Variants in CYTH3 observed in about 807,000 individuals in gnomAD.
The protein encoded by CYTH3 is cytohesin 3.
CYTH3 carries 23 observed loss-of-function variants against 55.1 expected under a neutral mutation model. The ratio of observed to expected loss-of-function variants is 0.42; its 90% CI spans 0.30 to 0.59. CYTH3 has a LOEUF of 0.59. CYTH3 is among the 20% of genes least tolerant of loss of function. The probability of loss-of-function intolerance (pLI) is 0.20; values close to 1 mark genes in which losing one functional copy is unlikely to be tolerated. For missense variants in CYTH3, 413 were observed against 524.8 expected (o/e 0.79, Z 2.08); for synonymous variants, 249 against 194.9 (o/e 1.28, Z -2.31).
In CYTH3 at chr7:6,171,349, A is replaced by C. The variant is rs766807603; in HGVS notation, c.450-35T>G. Reference sequence around the variant, plus strand: ...CACCAAAGCCATGGGAAGCCGCATCAGAACCAACACCGCCTCACGGCCAAG... The same window carrying C: ...CACCAAAGCCATGGGAAGCCGCATCCGAACCAACACCGCCTCACGGCCAAG... On this transcript the variant is annotated intron_variant, in intron 6 of 12. Coordinates refer to ENST00000350796, the MANE Select transcript of CYTH3 (RefSeq NM_004227.4). The surrounding 1 kb of genome is among the most constrained non-coding windows in gnomAD (Gnocchi z 6.7). The C allele has an allele frequency of 3.1e-6, 5 of 1,604,468 alleles. No homozygotes were observed. The highest frequency in any genetic ancestry group is 4.3e-6 in the Non-Finnish European group (5 of 1,171,716).
intron 1 of CYTH3, among the ~76,000 whole-genome samples, chr7:6,197,770 A>C (rs990578039): frequency 2.0e-5 from 3 of 152,180 alleles, no homozygotes; most frequent in African/African-American, 7.2e-5. Flanking sequence ...TAAGAGTTTG[A>C]ATTTTTCATG....
rs1783098542 is a variant in CYTH3 at position 6,169,182 on chromosome 7, T to C, written c.823+1353A>G. ...TGGGACTCACACCCTTTCCACCAGC[T>C]GAGGAGGCCTGTGCCCGTCACACCG... is the stretch of plus-strand genomic sequence containing the variant. On this transcript the variant is annotated intron_variant, in intron 9 of 12. Transcript: ENST00000350796. This position sits in a 1 kb window ranked among gnomAD's most constrained non-coding sequence, Gnocchi z 4.1. Among the ~76,000 whole-genome samples, 1 of 152,218 alleles carries C rather than the reference T, an allele frequency of 6.6e-6. No individual in the cohort carries two copies. The highest frequency in any genetic ancestry group is 2.4e-5 in the African/African-American group (1 of 41,458).
At chr7:6,232,938 C>G (rs1389078414) in intron 1 of CYTH3, among the ~76,000 whole-genome samples, 2 of 152,200 alleles carry the variant, frequency 1.3e-5, no homozygotes, top group Non-Finnish European at 2.9e-5. Flanking sequence ...TGACCCCCAC[C>G]TCCTACCTCC....
At chr7:6,218,585 A>G (rs1254035413) in intron 1 of CYTH3, among the ~76,000 whole-genome samples, 3 of 152,226 alleles carry the variant, frequency 2.0e-5, no homozygotes, top group Non-Finnish European at 4.4e-5. Flanking sequence ...GGGTGCAGCT[A>G]TAACAAATAC....
At position 6,162,169 on chromosome 7, in the gene CYTH3, TACC is replaced by T. The variant is rs994459226; in HGVS notation, c.*2772_*2774del. ...TAAATAGCTCCTATTTTCAGTTTGG[TACC>T]ACATTAAACTGCCCCAAAATGTTCT... On this transcript the variant is annotated 3_prime_UTR_variant, in exon 13 of 13. Transcript: ENST00000350796. 4.6e-5 allele frequency: 7 copies of T among 152,578 alleles called. No homozygotes were observed. The highest frequency in any genetic ancestry group is 1.7e-4 in the African/African-American group (7 of 41,444). 9.5% of individuals were successfully genotyped at this position (152,578 alleles called of 1,614,324 possible). A position where few individuals can be genotyped will look rare whatever the true frequency, so the allele number is the denominator to read the frequency against.
intron 1 of CYTH3, among the ~76,000 whole-genome samples, chr7:6,212,316 T>C (rs1001551038): frequency 1.3e-5 from 2 of 152,204 alleles, no homozygotes; most frequent in African/African-American, 4.8e-5. Context: ...ACGTGTCCAG[T>C]TCAGTACTGT....
chr7:6,203,046 AAT>A (rs962827600), intron 1 of CYTH3, among the ~76,000 whole-genome samples: 8 of 152,234 alleles, frequency 5.3e-5, no homozygotes, highest in Non-Finnish European at 7.3e-5. Flanking sequence ...CTTTAAGAAA[AAT>A]AGACTAAAGC....
chr7:6,216,119 CAG>C (rs1784418251), intron 1 of CYTH3, among the ~76,000 whole-genome samples: 1 of 152,110 alleles, frequency 6.6e-6, no homozygotes, highest in Non-Finnish European at 1.5e-5. Flanking sequence ...ACAAAAGAAA[CAG>C]TAAAAATATG....
intron 1 of CYTH3, among the ~76,000 whole-genome samples, chr7:6,192,333 T>G (rs555680729): frequency 2.4e-4 from 37 of 151,986 alleles, no homozygotes; most frequent in Non-Finnish European, 4.4e-4. Context: ...TCCTCCCACC[T>G]CAGCCTCCCA....
At chr7:6,259,757 T>TATATATATATATATAA (rs1554255069) in intron 1 of CYTH3, among the ~76,000 whole-genome samples, 7 of 37,460 alleles carry the variant, frequency 1.9e-4, no homozygotes, top group Admixed American at 4.7e-4. Context: ...TATATATATA[T>TATATATATATATATAA]TATATATATA....
chr7:6,200,698 G>T (rs1360489263), intron 1 of CYTH3, among the ~76,000 whole-genome samples: 1 of 152,194 alleles, frequency 6.6e-6, no homozygotes, highest in Non-Finnish European at 1.5e-5. Flanking sequence ...TCTACATGGA[G>T]CCGTGGTTTA....
chr7:6,181,138 C>T (rs984389841), intron 4 of CYTH3, among the ~76,000 whole-genome samples: 2 of 151,768 alleles, frequency 1.3e-5, no homozygotes, highest in Admixed American at 1.3e-4. Context: ...CTTAGCTGTT[C>T]CTTCCTTCCT....
intron 1 of CYTH3, among the ~76,000 whole-genome samples, chr7:6,215,524 A>G (rs892941291): frequency 2.0e-5 from 3 of 149,212 alleles, no homozygotes; most frequent in Non-Finnish European, 4.4e-5. Context: ...CAGGAGGCGG[A>G]GCTTGCAGTG....
At chr7:6,200,278 C>A (rs1201777982) in intron 1 of CYTH3, among the ~76,000 whole-genome samples, 1 of 152,144 alleles carries the variant, frequency 6.6e-6, no homozygotes, top group African/African-American at 2.4e-5. Context: ...AATAGTGACA[C>A]CCTGACACAT....
At chr7:6,241,555 C>G (rs1026577253) in intron 1 of CYTH3, among the ~76,000 whole-genome samples, 1 of 152,158 alleles carries the variant, frequency 6.6e-6, no homozygotes, top group African/African-American at 2.4e-5. Context: ...AAGAATCCCA[C>G]TTCTGAAAAT....
chr7:6,261,252 G>T (rs1780344035), intron 1 of CYTH3, among the ~76,000 whole-genome samples: 1 of 152,092 alleles, frequency 6.6e-6, no homozygotes, highest in South Asian at 2.1e-4. Flanking sequence ...ATCCAAGAAG[G>T]TCAGCAGAAT....
At chr7:6,259,809 ATATAATATATATATATATATATATT>A (rs1562418022) in intron 1 of CYTH3, among the ~76,000 whole-genome samples, 3 of 26,272 alleles carry the variant, frequency 1.1e-4, no homozygotes, top group African/African-American at 1.1e-3. Context: ...ATATATATAT[ATATAATATATATATATATATATATT>A]TTTTTTTTTT....
At chr7:6,206,733 G>T (rs985076668) in intron 1 of CYTH3, among the ~76,000 whole-genome samples, 2 of 152,154 alleles carry the variant, frequency 1.3e-5, no homozygotes, top group Non-Finnish European at 2.9e-5. Context: ...AACACTAACA[G>T]AACCAATGCT....
chr7:6,187,176 C>T (rs917486959), intron 3 of CYTH3, 60 bp from the exon 4 acceptor site: 33 of 1,542,588 alleles, frequency 2.1e-5, no homozygotes, highest in Middle Eastern at 3.4e-4. Context: ...AGCCCAGTCA[C>T]GGCCCTCCAG....
Sources: allele counts gnomAD v4.1 joint callset (sites outside exome capture counted in the v4.1 genomes callset), GRCh38; gene constraint gnomAD v4.1.1; non-coding constraint Gnocchi (gnomAD v3.1); transcripts MANE v1.5; gene names NCBI Gene and HGNC (gene_info 2026-07-23, HGNC 2026-07-21).